Variants in SUMF1 observed in about 807,000 individuals in gnomAD.
SUMF1 encodes sulfatase modifying factor 1.
Under a neutral mutation model 47.6 loss-of-function variants are expected in SUMF1, and 48 were observed. That is an observed-to-expected ratio of 1.01 (90% CI 0.80 to 1.28). SUMF1 has a LOEUF of 1.28. Ranked by LOEUF, SUMF1 falls within the 50% of genes most tolerant of loss-of-function variation. SUMF1 has a pLI of 0.00. For missense variants in SUMF1, 571 were observed against 485.4 expected (o/e 1.18, Z -1.66); for synonymous variants, 230 against 192.1 (o/e 1.20, Z -1.63).
intron 8 of SUMF1, among the ~76,000 whole-genome samples, chr3:4,150,868 G>C (rs1040424370): frequency 6.6e-6 from 1 of 151,338 alleles, no homozygotes. Context: ...CAGATAGGAG[G>C]AGACCCCTGA....
chr3:4,364,635 C>T (rs1467991055), intron 8 of SUMF1, among the ~76,000 whole-genome samples: 1 of 151,220 alleles, frequency 6.6e-6, no homozygotes, highest in Non-Finnish European at 1.5e-5. Flanking sequence ...ATTAGTCTTG[C>T]TAGCGGTCTA....
At chr3:4,251,976 T>C (rs1224119690) in intron 8 of SUMF1, among the ~76,000 whole-genome samples, 1 of 152,168 alleles carries the variant, frequency 6.6e-6, no homozygotes, top group Non-Finnish European at 1.5e-5. Context: ...GAAAACCAAA[T>C]TTTCATGTGA....
intron 8 of SUMF1, among the ~76,000 whole-genome samples, chr3:4,253,189 G>A (rs1696847184): frequency 6.6e-6 from 1 of 152,174 alleles, no homozygotes; most frequent in Non-Finnish European, 1.5e-5. Context: ...TCTCAAGAAG[G>A]GATCATAATT....
intron 9 of SUMF1, among the ~76,000 whole-genome samples, chr3:4,054,986 G>A (rs1695166791): frequency 1.3e-5 from 2 of 152,112 alleles, no homozygotes; most frequent in Admixed American, 6.6e-5. Flanking sequence ...TGACTCAGGG[G>A]TCTCCCTGAC....
At chr3:4,403,593 T>C (rs1370008572) in intron 7 of SUMF1, among the ~76,000 whole-genome samples, 1 of 152,018 alleles carries the variant, frequency 6.6e-6, no homozygotes, top group Admixed American at 6.6e-5. Flanking sequence ...TCTGAAGAGC[T>C]TGTCTGTACA....
chr3:4,163,999 G>A (rs932328742), intron 8 of SUMF1, among the ~76,000 whole-genome samples: 1 of 152,140 alleles, frequency 6.6e-6, no homozygotes, highest in Non-Finnish European at 1.5e-5. Flanking sequence ...CTGGCTATTT[G>A]ATGAATAGCT....
chr3:4,219,913 G>C (rs554733386), intron 8 of SUMF1, among the ~76,000 whole-genome samples: 10 of 152,230 alleles, frequency 6.6e-5, no homozygotes, highest in Admixed American at 6.5e-4. Context: ...CCAGAGACTA[G>C]AATCACCAAA....
At chr3:4,175,428 C>A (rs1211238779) in intron 8 of SUMF1, among the ~76,000 whole-genome samples, 3 of 152,188 alleles carry the variant, frequency 2.0e-5, no homozygotes, top group Admixed American at 6.5e-5. Flanking sequence ...CAAACTCCAA[C>A]AGACCTGCAG....
chr3:4,253,309 G>A (rs1033642199), intron 8 of SUMF1, among the ~76,000 whole-genome samples: 5 of 152,216 alleles, frequency 3.3e-5, no homozygotes, highest in African/African-American at 1.2e-4. Flanking sequence ...CAGCGTGAGT[G>A]ACGCAGAAGA....
rs537926405 is a variant in SUMF1, at chr3:4,069,028, A to C, written c.1015-283T>G. On this transcript the variant is annotated intron_variant and NMD_transcript_variant, in intron 8 of 12. Coordinates refer to the SUMF1 transcript ENST00000448413. ...ATAATAGCTACAAATATTATATTTA[A>C]ATACCCAGGAAGTTGATAGAATCAG... Among the ~76,000 whole-genome samples, 8 of 152,286 alleles carry C rather than the reference A, an allele frequency of 5.3e-5. No individual in the cohort carries two copies. In the South Asian group the frequency reaches 1.7e-3, roughly 32 times the overall value.
intron 1 of SUMF1, among the ~76,000 whole-genome samples, chr3:4,465,885 G>GT (rs1043664347): frequency 2.6e-5 from 4 of 152,180 alleles, no homozygotes; most frequent in Non-Finnish European, 5.9e-5. Context: ...AGGAGATCAG[G>GT]TAAAACCTAC....
chr3:4,141,961 G>A (rs567293454), intron 8 of SUMF1, among the ~76,000 whole-genome samples: 1 of 152,268 alleles, frequency 6.6e-6, no homozygotes, highest in African/African-American at 2.4e-5. Flanking sequence ...AGAGAATAAA[G>A]AATGTTGACC....
chr3:4,406,451 T>G (rs1575183128), intron 7 of SUMF1, among the ~76,000 whole-genome samples: 1 of 151,108 alleles, frequency 6.6e-6, no homozygotes, highest in Non-Finnish European at 1.5e-5. Context: ...AGGTCAGGAG[T>G]TCAAGACCAG....
chr3:4,282,040 T>C (rs1240616219), intron 8 of SUMF1, among the ~76,000 whole-genome samples: 2 of 152,226 alleles, frequency 1.3e-5, no homozygotes, highest in Non-Finnish European at 1.5e-5. Flanking sequence ...CTTAATTTTA[T>C]TTAACATGAC....
rs1332855260 is a variant in SUMF1 at position 4,456,927 on chromosome 3, T to C, written c.271-3878A>G. Among the ~76,000 whole-genome samples the C allele has an allele frequency of 8.3e-5, 11 of 131,936 alleles. 1 individual carries two copies. Among genetic ancestry groups the C allele is most frequent in the Admixed American group, 7.9e-4 (10 of 12,664 alleles). 86.6% of individuals were successfully genotyped at this position (131,936 alleles called of 152,430 possible). On this transcript the variant is annotated intron_variant, in intron 1 of 8. Coordinates refer to ENST00000272902, the MANE Select transcript of SUMF1 (RefSeq NM_182760.4). The stretch of plus-strand genomic sequence containing the variant: ...GTATATCTATATACGTGTGTGTGTA[T>C]ATATATACGTGTGTGTACATATATA...
chr3:4,213,461 C>T (rs1457326113), intron 8 of SUMF1, among the ~76,000 whole-genome samples: 1 of 152,102 alleles, frequency 6.6e-6, no homozygotes, highest in Non-Finnish European at 1.5e-5. Flanking sequence ...CAAAAACAAA[C>T]CAAAATATAA....
At chr3:4,128,000 G>A (rs751390531) in intron 8 of SUMF1, among the ~76,000 whole-genome samples, 1 of 151,946 alleles carries the variant, frequency 6.6e-6, no homozygotes, top group African/African-American at 2.4e-5. Context: ...TAATACCTTT[G>A]ACCATACGTG....
intron 8 of SUMF1, among the ~76,000 whole-genome samples, chr3:4,284,149 C>A (rs529992633): frequency 1.2e-4 from 19 of 152,072 alleles, no homozygotes; most frequent in Admixed American, 2.6e-4. Flanking sequence ...GGAGCAGAGG[C>A]TTATGCTTAG....
At chr3:4,207,725 T>C (rs1250650494) in intron 8 of SUMF1, among the ~76,000 whole-genome samples, 1 of 152,106 alleles carries the variant, frequency 6.6e-6, no homozygotes, top group Non-Finnish European at 1.5e-5. Flanking sequence ...TATTCTTAAA[T>C]TCATCAAAGA....
Sources: gnomAD v4.1 joint callset for allele counts (sites outside exome capture counted in the v4.1 genomes callset) on GRCh38, gnomAD v4.1.1 for gene constraint, MANE v1.5 for transcripts, NCBI Gene and HGNC (gene_info 2026-07-23, HGNC 2026-07-21) for gene names.